KLHL1: variants seen among roughly 807,000 people sequenced by gnomAD.
KLHL1 encodes kelch like family member 1, also known as kelch-like protein 1.
A neutral mutation model predicts 77.7 loss-of-function variants in KLHL1; 47 were observed. The observed-to-expected ratio is 0.60, with a 90% CI of 0.48 to 0.77. The LOEUF (loss-of-function observed/expected upper bound fraction) is 0.77, where lower values mean the gene tolerates loss of function less well. Among genes scored for constraint, KLHL1 ranks in the 30% least tolerant of loss-of-function variants. KLHL1 has a pLI of 0.00. For synonymous variants in KLHL1, 360 were observed against 325.2 expected (o/e 1.11, Z -1.15); for missense variants, 925 against 910.8 (o/e 1.02, Z -0.20).
At chr13:69,852,681 G>A (rs2138134299) in intron 5 of KLHL1, among the ~76,000 whole-genome samples, 1 of 151,924 alleles carries the variant, frequency 6.6e-6, no homozygotes, top group Admixed American at 6.6e-5. Flanking sequence ...TACCTCTTTT[G>A]ATCAACATCA....
chr13:69,890,759 CTAAAGA>C (rs1447056425), intron 4 of KLHL1, among the ~76,000 whole-genome samples: 16 of 151,972 alleles, frequency 1.1e-4, no homozygotes, highest in African/African-American at 3.9e-4. Context: ...GATGCTAGAA[CTAAAGA>C]TATAGTTTTA....
intron 7 of KLHL1, among the ~76,000 whole-genome samples, chr13:69,779,199 A>C (rs1266758263): frequency 6.6e-6 from 1 of 152,204 alleles, no homozygotes. Context: ...TAATGCATTG[A>C]AAAGACACCA....
chr13:69,821,325 C>CT (rs1284159762), intron 6 of KLHL1, among the ~76,000 whole-genome samples: 1 of 149,566 alleles, frequency 6.7e-6, no homozygotes, highest in Non-Finnish European at 1.5e-5. Context: ...CTTTTTTTTT[C>CT]TTTTTTTGAG....
intron 1 of KLHL1, among the ~76,000 whole-genome samples, chr13:69,980,080 C>G (rs879381287): frequency 6.6e-6 from 1 of 152,166 alleles, no homozygotes; most frequent in Non-Finnish European, 1.5e-5. Flanking sequence ...TGAGAACTGA[C>G]CAACATGCTT....
rs554105729 is a variant in KLHL1 at position 69,719,833 on chromosome 13, T to C, written c.1803-252A>G. 1.7e-4 allele frequency among the ~76,000 whole-genome samples: 26 copies of C among 151,718 alleles called. No homozygotes were observed. The East Asian group carries it at 4.5e-3, about 26-fold the overall frequency. On this transcript the variant is annotated intron_variant, in intron 8 of 10. Transcript: ENST00000377844. Reference sequence around the variant, plus strand: ...AATTTTAACCTCTATTTCTAGAAACTTGGATAGATTTAAATTGCATACTGC... The same window carrying C: ...AATTTTAACCTCTATTTCTAGAAACCTGGATAGATTTAAATTGCATACTGC...
intron 1 of KLHL1, among the ~76,000 whole-genome samples, chr13:70,005,948 A>C (rs988224766): frequency 6.6e-6 from 1 of 151,964 alleles, no homozygotes; most frequent in African/African-American, 2.4e-5. Context: ...TGTACTGCAG[A>C]TCTCTAGACC....
At chr13:69,827,027 C>CTT (rs1436045540) in intron 6 of KLHL1, among the ~76,000 whole-genome samples, 1 of 149,938 alleles carries the variant, frequency 6.7e-6, no homozygotes, top group African/African-American at 2.5e-5. Context: ...GTTCTTCATG[C>CTT]TTATAATTAG....
chr13:69,721,079 A>ATATATATATATATATATATATATATATAT (rs1555300737), intron 8 of KLHL1, among the ~76,000 whole-genome samples: 22 of 67,620 alleles, frequency 3.3e-4, no homozygotes, highest in South Asian at 8.6e-4. Flanking sequence ...ATATATATAT[A>ATATATATATATATATATATATATATATAT]AAGCTATGTA....
chr13:69,894,932 G>T, intron 4 of KLHL1: 1 of 449,036 alleles, frequency 2.2e-6, no homozygotes, highest in South Asian at 1.8e-5. Context: ...AAGCAGCTTG[G>T]TTCCAGCAGA....
intron 1 of KLHL1, among the ~76,000 whole-genome samples, chr13:70,060,363 G>A (rs1886849531): frequency 6.6e-6 from 1 of 152,124 alleles, no homozygotes; most frequent in Admixed American, 6.5e-5. Flanking sequence ...TGCAGGTTCT[G>A]CAAAAACCTA....
In KLHL1 at chr13:70,099,846, T is replaced by C. The variant is rs368410575; in HGVS notation, c.497+7357A>G. On this transcript the variant is annotated intron_variant, in intron 1 of 10. Transcript: ENST00000377844. ...TTGTTAAATTTTTTATATGGCAGAA[T>C]AGTATTTCATTATATGACTATTAAC... Among the ~76,000 whole-genome samples, 41 of 152,130 alleles carry C rather than the reference T, an allele frequency of 2.7e-4. No homozygotes were observed. The South Asian group carries it at 3.1e-3, about 12-fold the overall frequency.
chr13:69,756,964 C>CA (rs559599323), intron 7 of KLHL1, among the ~76,000 whole-genome samples: 480 of 151,874 alleles, frequency 3.2e-3, no homozygotes, highest in African/African-American at 0.01. Context: ...AACAAACAAA[C>CA]AAAAAAAACT....
intron 1 of KLHL1, among the ~76,000 whole-genome samples, chr13:70,010,868 G>A (rs9572334): frequency 6.6e-6 from 1 of 150,484 alleles, no homozygotes; most frequent in Non-Finnish European, 1.5e-5. Flanking sequence ...CTCCAGCCTG[G>A]GCAACAAAAG....
chr13:69,755,271 G>C (rs189322914), intron 7 of KLHL1, among the ~76,000 whole-genome samples: 62 of 151,812 alleles, frequency 4.1e-4, no homozygotes, highest in Middle Eastern at 3.4e-3. Flanking sequence ...ACCAGCTTCT[G>C]CTTTGGGATG....
At chr13:69,934,697 C>T (rs1374033284) in intron 4 of KLHL1, among the ~76,000 whole-genome samples, 1 of 151,798 alleles carries the variant, frequency 6.6e-6, no homozygotes, top group Admixed American at 6.6e-5. Context: ...TCATAAACTA[C>T]CTCTCTTCTT....
chr13:69,724,812 C>G (rs961449144), intron 8 of KLHL1, among the ~76,000 whole-genome samples: 1 of 152,072 alleles, frequency 6.6e-6, no homozygotes, highest in African/African-American at 2.4e-5. Flanking sequence ...AAAAACTCAA[C>G]AAGCTTGGAT....
chr13:69,789,017 C>CTCTATCTA (rs10542087), intron 7 of KLHL1, among the ~76,000 whole-genome samples: 93 of 150,504 alleles, frequency 6.2e-4, no homozygotes, highest in East Asian at 9.9e-4. Context: ...CTCCACAGGA[C>CTCTATCTA]TCTATCTATC....
chr13:69,733,017 C>A (rs1401747643), intron 8 of KLHL1, among the ~76,000 whole-genome samples: 1 of 152,036 alleles, frequency 6.6e-6, no homozygotes, highest in Non-Finnish European at 1.5e-5. Flanking sequence ...GATTAAATTA[C>A]AATATAGTGT....
chr13:69,881,240 A>T (rs1309795974), intron 5 of KLHL1, among the ~76,000 whole-genome samples: 2 of 152,034 alleles, frequency 1.3e-5, no homozygotes, highest in African/African-American at 4.8e-5. Context: ...TTTTTCAATT[A>T]CGGTAATGTG....
Sources: gnomAD v4.1 joint callset for allele counts (sites outside exome capture counted in the v4.1 genomes callset) on GRCh38, gnomAD v4.1.1 for gene constraint, MANE v1.5 for transcripts, NCBI Gene and HGNC (gene_info 2026-07-23, HGNC 2026-07-21) for gene names.